AXIN1: variants seen among roughly 807,000 people sequenced by gnomAD.
The protein encoded by AXIN1 is axin 1.
In AXIN1, 30 loss-of-function variants were observed where a neutral mutation model predicts 76.4. That is an observed-to-expected ratio of 0.39 (90% CI 0.29 to 0.53). The LOEUF is 0.53. Ranked by LOEUF, AXIN1 falls within the 20% of genes least tolerant of loss-of-function variation. AXIN1 has a pLI of 0.66. For synonymous variants in AXIN1, 545 were observed against 501.4 expected (o/e 1.09, Z -1.16); for missense variants, 1,140 against 1,198.8 (o/e 0.95, Z 0.72).
intron 10 of AXIN1, among the ~76,000 whole-genome samples, chr16:288,731 G>A (rs1403965266): frequency 6.6e-6 from 1 of 152,270 alleles, no homozygotes; most frequent in Non-Finnish European, 1.5e-5. Flanking sequence ...GCTCACTCGG[G>A]AGCCTCCAAG....
chr16:337,488 G>A (rs1365360088), intron 2 of AXIN1, among the ~76,000 whole-genome samples: 3 of 145,264 alleles, frequency 2.1e-5, no homozygotes, highest in Non-Finnish European at 4.5e-5. Flanking sequence ...ATCCAGAGTG[G>A]GTCAAAACCA....
chr16:341,158 TTTGGTGGCAC>T (rs1362864188), intron 2 of AXIN1, among the ~76,000 whole-genome samples: 2 of 152,270 alleles, frequency 1.3e-5, no homozygotes, highest in Admixed American at 6.5e-5. Flanking sequence ...GGGCTCTCAC[TTTGGTGGCAC>T]TTGAGGAGCC....
At chr16:329,378 C>T (rs543459341) in intron 2 of AXIN1, among the ~76,000 whole-genome samples, 173 of 151,484 alleles carry the variant, frequency 1.1e-3, no homozygotes, top group African/African-American at 4.1e-3. Flanking sequence ...AAATCTAGAG[C>T]GATCTAGATA....
chr16:290,545 G>C (rs533581145), intron 9 of AXIN1: 20 of 164,766 alleles, frequency 1.2e-4, no homozygotes, highest in African/African-American at 4.8e-4. Flanking sequence ...CCTGCATCTG[G>C]GGCAAGCCTG....
chr16:298,719 CA>C (rs1163354340), intron 5 of AXIN1, among the ~76,000 whole-genome samples: 1 of 151,836 alleles, frequency 6.6e-6, no homozygotes, highest in Non-Finnish European at 1.5e-5. Flanking sequence ...CCATATTGGC[CA>C]GGCTGGTCTC....
chr16:335,870 G>C (rs1567299982), intron 2 of AXIN1, among the ~76,000 whole-genome samples: 1 of 151,744 alleles, frequency 6.6e-6, no homozygotes, highest in Admixed American at 6.6e-5. Context: ...ATTTAAGTTG[G>C]AAAGTAAAAT....
At chr16:291,151 G>A (rs1293801050) in intron 9 of AXIN1, 39 bp downstream of exon 9, 2 of 1,543,752 alleles carry the variant, frequency 1.3e-6, no homozygotes, top group African/African-American at 2.7e-5. Context: ...GCCAGGGCTG[G>A]GGTGGGCAGG....
intron 2 of AXIN1, among the ~76,000 whole-genome samples, chr16:342,033 G>C (rs1251604077): frequency 1.3e-5 from 2 of 152,196 alleles, no homozygotes; most frequent in Non-Finnish European, 2.9e-5. Context: ...ATGTGGGTGG[G>C]GCCAGATAAG....
In AXIN1 at chr16:346,582, G is replaced by A; in HGVS notation, c.444C>T (p.Tyr148=). The part of the protein sequence containing the change: ...LKLARAIYRK[Y]ILDNNGIVSR... Reference sequence around the variant, plus strand: ...ACACGATGCCATTGTTATCAAGAATGTACTTTCGGTAGATGGCTCTCGCCA... The same window carrying A: ...ACACGATGCCATTGTTATCAAGAATATACTTTCGGTAGATGGCTCTCGCCA... Residue 148 remains tyrosine (Y), a synonymous_variant, in exon 2 of 11, where the codon TAC becomes TAT. Transcript: ENST00000262320. 5.0e-6 allele frequency: 8 copies of A among 1,609,854 alleles called. No homozygotes were observed. The highest frequency in any genetic ancestry group is 6.8e-6 in the Non-Finnish European group (8 of 1,176,994).
At position 287,990 on chromosome 16, in the gene AXIN1, T is replaced by A. The variant is rs906882012; in HGVS notation, c.*132A>T. On this transcript the variant is annotated 3_prime_UTR_variant, in exon 11 of 11. Coordinates refer to ENST00000262320, the MANE Select transcript of AXIN1 (RefSeq NM_003502.4). ...CCCCCTACCTGCCTCTAGACACGGG[T>A]AGACCACAGGGATGGGTGGTACACC... 6.7e-7 allele frequency: 1 copy of A among 1,488,322 alleles called. No homozygotes were observed. The highest frequency in any genetic ancestry group is 1.4e-5 in the African/African-American group (1 of 72,542). The allele number at this position is 1,488,322 out of a possible 1,614,324, so 92.2% of individuals were successfully genotyped here. A position where few individuals can be genotyped will look rare whatever the true frequency, so the allele number is the denominator to read the frequency against.
At chr16:344,660 T>G (rs1436121124) in intron 2 of AXIN1, among the ~76,000 whole-genome samples, 1 of 151,912 alleles carries the variant, frequency 6.6e-6, no homozygotes, top group Non-Finnish European at 1.5e-5. Flanking sequence ...ATCTAATTTT[T>G]GTATTTTTAG....
At chr16:345,710 G>A (rs954412536) in intron 2 of AXIN1, among the ~76,000 whole-genome samples, 4 of 140,002 alleles carry the variant, frequency 2.9e-5, no homozygotes, top group East Asian at 2.0e-4. Flanking sequence ...GTGAAACTCC[G>A]TCTCAAAAAA....
At chr16:305,596 T>C (rs2052998413) in intron 4 of AXIN1, among the ~76,000 whole-genome samples, 1 of 152,034 alleles carries the variant, frequency 6.6e-6, no homozygotes, top group African/African-American at 2.4e-5. Context: ...CAGGCTGGAG[T>C]GTAGTGGCGC....
At chr16:308,060 G>GT (rs2053075048) in intron 4 of AXIN1, among the ~76,000 whole-genome samples, 1 of 152,222 alleles carries the variant, frequency 6.6e-6, no homozygotes, top group Non-Finnish European at 1.5e-5. Context: ...GCTGCAGACT[G>GT]TTCACACAGA....
chr16:348,042 T>C (rs919530413), intron 1 of AXIN1, among the ~76,000 whole-genome samples: 2 of 152,196 alleles, frequency 1.3e-5, no homozygotes, highest in African/African-American at 4.8e-5. Flanking sequence ...CCCACCCTCT[T>C]AGACATCAGG....
Position 352,481 on chromosome 16 carries a change from CG to C in AXIN1, c.-195del. Reference sequence around the variant, plus strand: ...GGCGGGACCCGGCGGGGGCGCGGCCCGGGGCGGCCCCCATCTCGGCGGCTGC... The same window carrying C: ...GGCGGGACCCGGCGGGGGCGCGGCCCGGGCGGCCCCCATCTCGGCGGCTGC... On this transcript the variant is annotated 5_prime_UTR_variant, in exon 1 of 11. It removes the in-frame stop codon of an upstream open reading frame in the 5' UTR. Coordinates refer to ENST00000262320, the MANE Select transcript of AXIN1 (RefSeq NM_003502.4). 2.1e-6 allele frequency: 2 copies of C among 934,986 alleles called. No homozygotes were observed. The highest frequency in any genetic ancestry group is 4.9e-5 in the South Asian group (1 of 20,588). The allele number at this position is 934,986 out of a possible 1,614,324, so 57.9% of individuals were successfully genotyped here.
chr16:318,167 A>G (rs1371437948), intron 2 of AXIN1, among the ~76,000 whole-genome samples: 2 of 152,258 alleles, frequency 1.3e-5, no homozygotes, highest in African/African-American at 4.8e-5. Context: ...AGCCACATAC[A>G]GCAGAACGAA....
chr16:340,434 G>T (rs1467943808), intron 2 of AXIN1, among the ~76,000 whole-genome samples: 1 of 152,230 alleles, frequency 6.6e-6, no homozygotes, highest in Non-Finnish European at 1.5e-5. Context: ...GGAGACTGCG[G>T]GCTTGACCAA....
chr16:327,411 C>T (rs867002602), intron 2 of AXIN1, among the ~76,000 whole-genome samples: 8 of 152,226 alleles, frequency 5.3e-5, no homozygotes, highest in African/African-American at 1.7e-4. Context: ...CAGGAGCTTC[C>T]GGCTCAGCCC....
Sources: gnomAD v4.1 joint callset for allele counts (sites outside exome capture counted in the v4.1 genomes callset) on GRCh38, gnomAD v4.1.1 for gene constraint, MANE v1.5 for transcripts, NCBI Gene and HGNC (gene_info 2026-07-23, HGNC 2026-07-21) for gene names.